CDH12: variants seen among roughly 807,000 people sequenced by gnomAD.
The protein encoded by CDH12 is cadherin-12.
CDH12 carries 41 observed loss-of-function variants against 74.1 expected under a neutral mutation model. The ratio of observed to expected loss-of-function variants is 0.55; its 90% CI spans 0.43 to 0.72. CDH12 has a LOEUF of 0.72. Among genes scored for constraint, CDH12 ranks in the 30% least tolerant of loss-of-function variants. The pLI, the probability that CDH12 is intolerant of heterozygous loss-of-function variation, is 0.00. For synonymous variants in CDH12, 399 were observed against 355.0 expected (o/e 1.12, Z -1.39); for missense variants, 945 against 977.2 (o/e 0.97, Z 0.44).
chr5:21,883,101 G>T, intron 6 of CDH12: 5 of 1,599,908 alleles, frequency 3.1e-6, no homozygotes, highest in Admixed American at 1.7e-5. Context: ...AATTGCACAG[G>T]TTGCTATGAT....
At chr5:22,194,308 C>T (rs796454716) in intron 4 of CDH12, among the ~76,000 whole-genome samples, 2 of 139,870 alleles carry the variant, frequency 1.4e-5, no homozygotes, top group African/African-American at 2.6e-5. Context: ...CTTTTTCTTT[C>T]TTTTTTTTTT....
chr5:21,801,013 T>G (rs1747082093), intron 10 of CDH12, among the ~76,000 whole-genome samples: 1 of 152,196 alleles, frequency 6.6e-6, no homozygotes, highest in Admixed American at 6.5e-5. Context: ...TTTATAGTAG[T>G]GTGAAAACGA....
chr5:21,856,026 C>T (rs1215344353), intron 6 of CDH12, among the ~76,000 whole-genome samples: 8 of 151,624 alleles, frequency 5.3e-5, no homozygotes, highest in African/African-American at 1.9e-4. Flanking sequence ...ATTACAGCAG[C>T]CTTTCCCAAG....
intron 6 of CDH12, among the ~76,000 whole-genome samples, chr5:21,885,667 C>T (rs4264914): frequency 6.6e-6 from 1 of 152,144 alleles, no homozygotes; most frequent in African/African-American, 2.4e-5. Flanking sequence ...AGCAGTCATC[C>T]TTTGCCAGTT....
chr5:22,781,371 C>G (rs772666608), intron 1 of CDH12, among the ~76,000 whole-genome samples: 7 of 152,166 alleles, frequency 4.6e-5, no homozygotes, highest in Non-Finnish European at 7.3e-5. Flanking sequence ...GTGCCTGGGG[C>G]ACAGGATAAG....
chr5:22,662,350 T>G (rs1378970988), intron 1 of CDH12, among the ~76,000 whole-genome samples: 5 of 151,948 alleles, frequency 3.3e-5, no homozygotes, highest in Non-Finnish European at 7.4e-5. Context: ...GTCTAGGAAG[T>G]GGAGTGGAGG....
intron 2 of CDH12, among the ~76,000 whole-genome samples, chr5:22,414,380 G>A (rs901734715): frequency 6.6e-6 from 1 of 151,786 alleles, no homozygotes; most frequent in Non-Finnish European, 1.5e-5. Flanking sequence ...TTTTGACATT[G>A]TTGTTTGAAT....
At chr5:21,961,947 C>T (rs1419244049) in intron 6 of CDH12, among the ~76,000 whole-genome samples, 1 of 152,112 alleles carries the variant, frequency 6.6e-6, no homozygotes, top group African/African-American at 2.4e-5. Context: ...CTACTATTTT[C>T]TTATTTGGGT....
At chr5:22,796,176 A>G (rs1387358617) in intron 1 of CDH12, among the ~76,000 whole-genome samples, 1 of 152,160 alleles carries the variant, frequency 6.6e-6, no homozygotes, top group Admixed American at 6.5e-5. Context: ...TCTCTTTCGA[A>G]TACCGATTTC....
At chr5:22,720,845 T>C (rs151261752) in intron 1 of CDH12, among the ~76,000 whole-genome samples, 2 of 152,324 alleles carry the variant, frequency 1.3e-5, no homozygotes, top group East Asian at 3.9e-4. Context: ...ATTTTGCCCT[T>C]GCTGTAGACA....
chr5:22,551,130 C>G (rs542292240), intron 1 of CDH12, among the ~76,000 whole-genome samples: 26 of 152,022 alleles, frequency 1.7e-4, no homozygotes, highest in Non-Finnish European at 3.2e-4. Flanking sequence ...ATCATAAGGG[C>G]GGGACCTAAT....
intron 9 of CDH12, among the ~76,000 whole-genome samples, chr5:21,808,220 G>T (rs569851453): frequency 9.9e-5 from 15 of 152,156 alleles, no homozygotes; most frequent in Admixed American, 8.5e-4. Flanking sequence ...CCAAGGCTTA[G>T]ATTGGATCAT....
chr5:22,091,657 T>C (rs1372477518), intron 4 of CDH12, among the ~76,000 whole-genome samples: 1 of 152,030 alleles, frequency 6.6e-6, no homozygotes, highest in Non-Finnish European at 1.5e-5. Context: ...ATGCAATTCC[T>C]GTCAAAATTC....
intron 2 of CDH12, among the ~76,000 whole-genome samples, chr5:22,424,666 T>G (rs1464011074): frequency 6.6e-6 from 1 of 152,222 alleles, no homozygotes; most frequent in Non-Finnish European, 1.5e-5. Flanking sequence ...TCAGTGTTCC[T>G]TACAAATAAT....
intron 1 of CDH12, among the ~76,000 whole-genome samples, chr5:22,552,688 A>G (rs1028636943): frequency 1.3e-5 from 2 of 151,958 alleles, no homozygotes; most frequent in African/African-American, 2.4e-5. Flanking sequence ...CAGCCTCCCA[A>G]AGTGCTGGGA....
chr5:22,240,466 C>T (rs752932236), intron 3 of CDH12, among the ~76,000 whole-genome samples: 1 of 152,138 alleles, frequency 6.6e-6, no homozygotes, highest in African/African-American at 2.4e-5. Flanking sequence ...CACAAGATTG[C>T]TGAAGAATGT....
At chr5:22,842,735 A>C (rs1737133638) in intron 1 of CDH12, among the ~76,000 whole-genome samples, 1 of 152,184 alleles carries the variant, frequency 6.6e-6, no homozygotes, top group Admixed American at 6.5e-5. Context: ...AAGTATTTCC[A>C]GAAACAAAGA....
chr5:21,883,556 T>G (rs1579904427), intron 6 of CDH12: 1 of 1,608,654 alleles, frequency 6.2e-7, no homozygotes, highest in Non-Finnish European at 8.5e-7. Flanking sequence ...CTACTGGTGG[T>G]GCAGTGTTTG....
At chr5:22,577,672 T>A (rs1260411384) in intron 1 of CDH12, among the ~76,000 whole-genome samples, 1 of 152,188 alleles carries the variant, frequency 6.6e-6, no homozygotes, top group Non-Finnish European at 1.5e-5. Flanking sequence ...TACAGGGACA[T>A]CATGAGATAA....
Sources: allele counts gnomAD v4.1 joint callset (sites outside exome capture counted in the v4.1 genomes callset), GRCh38; gene constraint gnomAD v4.1.1; transcripts MANE v1.5; gene names NCBI Gene and HGNC (gene_info 2026-07-23, HGNC 2026-07-21).